SEMA7A: variants seen among roughly 807,000 people sequenced by gnomAD.
The protein encoded by SEMA7A is semaphorin 7A (JohnMiltonHagen blood group), also known as semaphorin-7A.
SEMA7A carries 21 observed loss-of-function variants against 67.5 expected under a neutral mutation model. The observed-to-expected ratio is 0.31, with a 90% CI of 0.22 to 0.45. SEMA7A has a LOEUF of 0.45. SEMA7A is among the 20% of genes least tolerant of loss of function. The pLI is 1.00. For synonymous variants in SEMA7A, 364 were observed against 368.5 expected, an observed-to-expected ratio of 0.99 and a Z score of 0.14; for missense variants, 774 against 908.6, an observed-to-expected ratio of 0.85 and a Z score of 1.90.
In SEMA7A at chr15:74,411,846, C is replaced by T; in HGVS notation, c.1422+39G>A. 1 of 1,610,976 alleles carries T rather than the reference C, an allele frequency of 6.2e-7. No homozygotes were observed. Among genetic ancestry groups the T allele is most frequent in the Non-Finnish European group, 8.5e-7 (1 of 1,178,698 alleles). On this transcript the variant is annotated intron_variant, in intron 11 of 13. Coordinates refer to ENST00000261918, the MANE Select transcript of SEMA7A (RefSeq NM_003612.5). The surrounding 1 kb of genome is among the most constrained non-coding windows in gnomAD (Gnocchi z 4.4). Reference sequence around the variant, plus strand: ...AAGGAGCCCTGTCCTCAGCTGCAGTCACTGCATAGCCCATGGGACGCAGTG... The same window carrying T: ...AAGGAGCCCTGTCCTCAGCTGCAGTTACTGCATAGCCCATGGGACGCAGTG...
intron 1 of SEMA7A, among the ~76,000 whole-genome samples, chr15:74,432,780 G>C (rs1481159932): frequency 6.6e-6 from 1 of 152,134 alleles, no homozygotes; most frequent in Non-Finnish European, 1.5e-5. Context: ...CAAATTTGGG[G>C]ACAGAGCCGA....
chr15:74,418,822 G>C lies in SEMA7A; in HGVS notation c.309C>G (p.Gly103=). 6.2e-7 allele frequency: 1 copy of C among 1,613,886 alleles called. No individual in the cohort carries two copies. Among genetic ancestry groups the C allele is most frequent in the Non-Finnish European group, 8.5e-7 (1 of 1,179,976 alleles). ...TCACCGTGCGCACAGATGCGTTCTTGCCCTCGGGGAAGTCAAAGAGGTAGA... is the reference window on the plus strand; with the variant it reads ...TCACCGTGCGCACAGATGCGTTCTTCCCCTCGGGGAAGTCAAAGAGGTAGA... ...GKVYLFDFPE[G]KNASVRTVNI... is the part of the protein sequence containing the mutation. The change falls in exon 2 of 14, where the codon GGC becomes GGG. Residue 103 remains glycine (G), a synonymous_variant. Transcript: ENST00000261918.
chr15:74,416,318 AACACACACAC>A (rs371685466), intron 7 of SEMA7A, among the ~76,000 whole-genome samples: 4 of 148,052 alleles, frequency 2.7e-5, no homozygotes, highest in African/African-American at 7.4e-5. Flanking sequence ...ACACAGGCAA[AACACACACAC>A]ACACACACAC....
At chr15:74,418,086 A>T (rs1419757986) in intron 3 of SEMA7A, 117 bp from the exon 4 acceptor site, 9 of 1,280,632 alleles carry the variant, frequency 7.0e-6, no homozygotes, top group Non-Finnish European at 1.0e-5. Context: ...AGCATAGGTG[A>T]CAGCCTCCCG....
chr15:74,427,180 C>A (rs1223075292), intron 1 of SEMA7A: 1 of 982,742 alleles, frequency 1.0e-6, no homozygotes, highest in Non-Finnish European at 1.2e-6. Context: ...CCATCTGGCA[C>A]CACCATCTTC....
At position 74,414,658 on chromosome 15, in the gene SEMA7A, C is replaced by T; in HGVS notation, c.1183G>A (p.Gly395Arg). 1 of 1,614,120 alleles carries T rather than the reference C, an allele frequency of 6.2e-7. No homozygotes were observed. The highest frequency in any genetic ancestry group is 8.5e-7 in the Non-Finnish European group (1 of 1,180,020). The change falls in exon 10 of 14, where the codon GGG becomes AGG. Residue 395 changes from glycine (G) to arginine (R), a missense_variant. Gly to Arg is a moderately radical substitution (Grantham distance 125). This residue lies in a region of SEMA7A where 427 missense variants were observed against 555.4 expected (regional missense o/e 0.77). Transcript: ENST00000261918. The surrounding 1 kb of genome is among the most constrained non-coding windows in gnomAD (Gnocchi z 4.1). Reference sequence around the variant, plus strand: ...TGGAACAATGGCGTCTTCAGAGGCCCCATGGGCTCCACCCTCTGCGCCACC... The same window carrying T: ...TGGAACAATGGCGTCTTCAGAGGCCTCATGGGCTCCACCCTCTGCGCCACC... ...PEVAQRVEPM[G>R]PLKTPLFHSK...
chr15:74,425,166 G>T (rs185155820), intron 1 of SEMA7A, among the ~76,000 whole-genome samples: 2 of 152,370 alleles, frequency 1.3e-5, no homozygotes, highest in Admixed American at 1.3e-4. Flanking sequence ...AGAGATGCCA[G>T]AGGAGGAGGA....
At chr15:74,421,981 T>C (rs1488664549) in intron 1 of SEMA7A, among the ~76,000 whole-genome samples, 2 of 152,084 alleles carry the variant, frequency 1.3e-5, no homozygotes, top group Non-Finnish European at 2.9e-5. Flanking sequence ...GGATGGGCCC[T>C]GAACAGGCCG....
At chr15:74,432,869 C>T (rs1596203714) in intron 1 of SEMA7A, among the ~76,000 whole-genome samples, 1 of 152,086 alleles carries the variant, frequency 6.6e-6, no homozygotes, top group Admixed American at 6.5e-5. Flanking sequence ...AAGCCTCAAA[C>T]CCCCGCCTAA....
Position 74,411,130 on chromosome 15 carries a change from C to A in SEMA7A, c.1640-145G>T. ...CCCTCAGCGTCCTCCTTTTTTCTCC[C>A]GTCTCGCTCATCCCACCAAGAGGGC... On this transcript the variant is annotated intron_variant, in intron 13 of 13. Coordinates refer to ENST00000261918, the MANE Select transcript of SEMA7A (RefSeq NM_003612.5). The surrounding 1 kb of genome is among the most constrained non-coding windows in gnomAD (Gnocchi z 4.4). 1.5e-6 allele frequency: 2 copies of A among 1,361,486 alleles called. No individual in the cohort carries two copies. Among genetic ancestry groups the A allele is most frequent in the East Asian group, 2.4e-5 (1 of 41,632 alleles). The allele number at this position is 1,361,486 out of a possible 1,614,324, so 84.3% of individuals were successfully genotyped here. A position where few individuals can be genotyped will look rare whatever the true frequency, so the allele number is the denominator to read the frequency against.
chr15:74,416,358 C>G (rs1307565620), intron 7 of SEMA7A, among the ~76,000 whole-genome samples: 2 of 152,100 alleles, frequency 1.3e-5, no homozygotes, highest in African/African-American at 4.8e-5. Flanking sequence ...CATACACACG[C>G]TCACACGCCA....
Position 74,433,849 on chromosome 15 carries a change from G to A in SEMA7A, c.70C>T (p.Arg24Trp), listed in dbSNP as rs2061116199. The A allele has an allele frequency of 3.8e-6, 5 of 1,321,342 alleles. No individual in the cohort carries two copies. The African/African-American group carries it at 4.6e-5, about 12-fold the overall frequency. The allele number at this position is 1,321,342 out of a possible 1,614,324, so 81.9% of individuals were successfully genotyped here. A position where few individuals can be genotyped will look rare whatever the true frequency, so the allele number is the denominator to read the frequency against. The stretch of plus-strand genomic sequence containing the variant: ...CGCAGCCGCAGCGGAAGCCCCAACC[G>A]AGCCGGCGGGCCAGGGACGCGGGCG... ...PRARVPGPPA[R>W]LGLPLRLRLL... Residue 24 changes from arginine to tryptophan, a missense_variant, in exon 1 of 14, where the codon CGG becomes TGG. By Grantham distance (101) the Arg-to-Trp change is moderately radical. Transcript: ENST00000261918.
At chr15:74,432,456 C>G (rs539328464) in intron 1 of SEMA7A, among the ~76,000 whole-genome samples, 3 of 152,164 alleles carry the variant, frequency 2.0e-5, no homozygotes, top group Non-Finnish European at 4.4e-5. Context: ...AATCCTTCTC[C>G]CCTCCCTAAC....
intron 3 of SEMA7A, 66 bp from the exon 4 acceptor site, chr15:74,418,035 T>C: frequency 6.5e-7 from 1 of 1,536,888 alleles, no homozygotes; most frequent in Non-Finnish European, 9.0e-7. Context: ...AGCCTAGCAC[T>C]AGGACCCCCA....
chr15:74,418,173 G>A lies in SEMA7A; in HGVS notation c.372+95C>T, dbSNP rs554489630. 82 of 1,328,254 alleles carry A rather than the reference G, an allele frequency of 6.2e-5. No individual in the cohort carries two copies. In the East Asian group the frequency reaches 7.4e-4, roughly 12 times the overall value. The allele number at this position is 1,328,254 out of a possible 1,614,324, so 82.3% of individuals were successfully genotyped here. ...ACGTCTCCCCATCAGTCTGGGACTC[G>A]TGGGGCAGGGCCATGCTTCCTTCCT... On this transcript the variant is annotated intron_variant, in intron 3 of 13. Transcript: ENST00000261918.
rs747964489 is a variant in SEMA7A, at chr15:74,411,948, G to T, written c.1359C>A (p.Ile453=). The T allele has an allele frequency of 1.2e-6, 2 of 1,614,076 alleles. No homozygotes were observed. Among genetic ancestry groups the T allele is most frequent in the South Asian group, 2.2e-5 (2 of 91,084 alleles). Residue 453 remains isoleucine, a synonymous_variant, in exon 11 of 14, where the codon ATC becomes ATA. Coordinates refer to ENST00000261918, the MANE Select transcript of SEMA7A (RefSeq NM_003612.5). The surrounding 1 kb of genome is among the most constrained non-coding windows in gnomAD (Gnocchi z 4.4). ...CGCGGCGGAAGGGCTGGATCTCCATGATGTTGAAGGCGAAGCTGTGCTCCT... is the reference window on the plus strand; with the variant it reads ...CGCGGCGGAAGGGCTGGATCTCCATTATGTTGAAGGCGAAGCTGTGCTCCT... The part of the protein sequence containing the change: ...GEQEHSFAFN[I]MEIQPFRRAA...
Position 74,414,416 on chromosome 15 carries a change from C to G in SEMA7A, c.1294+131G>C, listed in dbSNP as rs571846146. On this transcript the variant is annotated intron_variant, in intron 10 of 13. Coordinates refer to ENST00000261918, the MANE Select transcript of SEMA7A (RefSeq NM_003612.5). This position sits in a 1 kb window ranked among gnomAD's most constrained non-coding sequence, Gnocchi z 4.1. ...TCTTCCACACCCACACACATTAACC[C>G]CTGACAACTCCAGTCACTCAATTAT... 48 of 992,158 alleles carry G rather than the reference C, an allele frequency of 4.8e-5. 1 individual carries two copies. In the African/African-American group the frequency reaches 7.6e-4, roughly 16 times the overall value. The allele number at this position is 992,158 out of a possible 1,614,324, so 61.5% of individuals were successfully genotyped here.
At chr15:74,432,288 T>C (rs1481358938) in intron 1 of SEMA7A, among the ~76,000 whole-genome samples, 1 of 152,150 alleles carries the variant, frequency 6.6e-6, no homozygotes, top group African/African-American at 2.4e-5. Flanking sequence ...CAAAGGAAGC[T>C]TGGGCTGGAG....
At chr15:74,418,498 G>C (rs750690186) in intron 2 of SEMA7A, among the ~76,000 whole-genome samples, 189 bp from the exon 3 acceptor site, 1 of 152,232 alleles carries the variant, frequency 6.6e-6, no homozygotes, top group Non-Finnish European at 1.5e-5. Flanking sequence ...CCAGAGCTGA[G>C]GCCCAGAGGG....
Sources: gnomAD v4.1 joint callset for allele counts (sites outside exome capture counted in the v4.1 genomes callset) on GRCh38, gnomAD v4.1.1 for gene constraint, gnomAD v4.1.1 regional missense constraint, Gnocchi (gnomAD v3.1) non-coding constraint, MANE v1.5 for transcripts, NCBI Gene and HGNC (gene_info 2026-07-23, HGNC 2026-07-21) for gene names.